Variants in PXMP4 observed in about 807,000 individuals in gnomAD.
PXMP4 encodes the protein peroxisomal membrane protein 4.
In PXMP4, 16 loss-of-function variants were observed where a neutral mutation model predicts 21.6. That is an observed-to-expected ratio of 0.74 (90% CI 0.50 to 1.13). PXMP4 has a LOEUF of 1.13. Among genes scored for constraint, PXMP4 ranks in the 50% most tolerant of loss-of-function variants. The pLI is 0.00. For synonymous variants in PXMP4, 127 were observed against 123.8 expected (o/e 1.03, Z -0.17); for missense variants, 240 against 277.7 (o/e 0.86, Z 0.96).
chr20:33,715,774 C>T (rs1041413294), intron 1 of PXMP4, among the ~76,000 whole-genome samples: 2 of 151,272 alleles, frequency 1.3e-5, no homozygotes, highest in African/African-American at 4.9e-5. Context: ...GTCCACCATC[C>T]TTGCTCAACT....
rs1404351250 is a variant in PXMP4, at chr20:33,710,746, C to T, written c.184G>A (p.Glu62Lys). The change falls in exon 3 of 4, where the codon GAG becomes AAG. Residue 62 changes from glutamate to lysine, a missense_variant. By Grantham distance (56) the Glu-to-Lys change is moderately conservative (BLOSUM62 1). Transcript: ENST00000409299. ...TFLFRNGSLQ[E>K]KLWAILQATY... ...GCCTGCAGTATGGCCCACAGCTTCT[C>T]CTGGAGGCTGCACAAACACAGGTGC... The T allele has an allele frequency of 6.2e-7, 1 of 1,602,500 alleles. No individual in the cohort carries two copies. The highest frequency in any genetic ancestry group is 1.3e-5 in the African/African-American group (1 of 74,742).
chr20:33,706,888 A>C lies in PXMP4; in HGVS notation c.*818T>G, dbSNP rs557157866. ...ATTTGTGTTAAAATATATAGTGAAG[A>C]TTAATCTCACCTTTTTTTTTTCTTT... On this transcript the variant is annotated 3_prime_UTR_variant, in exon 4 of 4. Coordinates refer to ENST00000409299, the MANE Select transcript of PXMP4 (RefSeq NM_007238.5). 1.3e-5 allele frequency: 2 copies of C among 152,222 alleles called. No homozygotes were observed. Among genetic ancestry groups the C allele is most frequent in the South Asian group, 4.1e-4 (2 of 4,832 alleles). 9.4% of individuals were successfully genotyped at this position (152,222 alleles called of 1,614,324 possible).
At position 33,703,870 on chromosome 20, in the gene PXMP4, G is replaced by A. The variant is rs2018230587; in HGVS notation, c.*3836C>T. On this transcript the variant is annotated 3_prime_UTR_variant, in exon 4 of 4. Coordinates refer to ENST00000409299, the MANE Select transcript of PXMP4 (RefSeq NM_007238.5). ...GCTAGAGTCCTCAGGCAGAAAGACA[G>A]AGGGGCGGCCACTGGCAAAGCTGGC... 1.3e-5 allele frequency: 2 copies of A among 152,290 alleles called. No homozygotes were observed. The highest frequency in any genetic ancestry group is 2.9e-5 in the Non-Finnish European group (2 of 68,098). 9.4% of individuals were successfully genotyped at this position (152,290 alleles called of 1,614,324 possible). A position where few individuals can be genotyped will look rare whatever the true frequency, so the allele number is the denominator to read the frequency against.
At chr20:33,717,598 C>A (rs2018396180) in intron 1 of PXMP4, among the ~76,000 whole-genome samples, 1 of 138,082 alleles carries the variant, frequency 7.2e-6, no homozygotes, top group African/African-American at 2.9e-5. Context: ...CGAGATCGCG[C>A]CACTGCACTC....
In PXMP4 at chr20:33,707,918, C is replaced by T. The variant is rs1812246413; in HGVS notation, c.427G>A (p.Val143Ile). The part of the protein sequence containing the change: ...RVLFALSRLA[V>I]EKGYIPEPRW... ...GGTTCAGGGATGTAGCCCTTCTCTA[C>T]AGCCAGGCGGCTCAGGGCAAACAGG... The change falls in exon 4 of 4, where the codon GTA becomes ATA. Residue 143 changes from valine (V) to isoleucine (I), a missense_variant. Physicochemically the swap from Val to Ile is conservative, Grantham distance 29 (BLOSUM62 3). Transcript: ENST00000409299. 8 of 1,614,130 alleles carry T rather than the reference C, an allele frequency of 5.0e-6. No homozygotes were observed. Among genetic ancestry groups the T allele is most frequent in the Non-Finnish European group, 6.8e-6 (8 of 1,180,042 alleles).
At position 33,707,863 on chromosome 20, in the gene PXMP4, G is replaced by A. The variant is rs376487621; in HGVS notation, c.482C>T (p.Ala161Val). The A allele has an allele frequency of 1.2e-4, 194 of 1,613,966 alleles. No homozygotes were observed. The highest frequency in any genetic ancestry group is 1.6e-4 in the Non-Finnish European group (185 of 1,180,030). Residue 161 changes from alanine to valine, a missense_variant, in exon 4 of 4, where the codon GCG becomes GTG. Physicochemically the swap from Ala to Val is moderately conservative, Grantham distance 64. Coordinates refer to ENST00000409299, the MANE Select transcript of PXMP4 (RefSeq NM_007238.5). ...PRWDPFPLLTAVVWGLVLWLF... is the reference protein window; with the variant it reads ...PRWDPFPLLTVVVWGLVLWLF... ...CCACAGCACCAGCCCCCACACCACC[G>A]CAGTGAGCAGCGGGAACGGGTCCCA... is the stretch of plus-strand genomic sequence containing the variant.
chr20:33,703,906 C>T lies in PXMP4; in HGVS notation c.*3800G>A, dbSNP rs2018231037. 1 of 152,214 alleles carries T rather than the reference C, an allele frequency of 6.6e-6. No individual in the cohort carries two copies. Among genetic ancestry groups the T allele is most frequent in the South Asian group, 2.1e-4 (1 of 4,834 alleles). 9.4% of individuals were successfully genotyped at this position (152,214 alleles called of 1,614,324 possible). On this transcript the variant is annotated 3_prime_UTR_variant, in exon 4 of 4. Transcript: ENST00000409299. Reference sequence around the variant, plus strand: ...ACTGGCAAAGCTGGCTAGTGTGCACCAGAGTCGTTATTTAGAGGAGCTATA... The same window carrying T: ...ACTGGCAAAGCTGGCTAGTGTGCACTAGAGTCGTTATTTAGAGGAGCTATA...
chr20:33,711,867 C>T (rs764858738), intron 2 of PXMP4, among the ~76,000 whole-genome samples: 1 of 151,642 alleles, frequency 6.6e-6, no homozygotes, highest in Non-Finnish European at 1.5e-5. Context: ...GTGGCACACG[C>T]GTGTAGTTCC....
intron 1 of PXMP4, among the ~76,000 whole-genome samples, chr20:33,717,037 G>C (rs913429777): frequency 6.6e-6 from 1 of 152,100 alleles, no homozygotes; most frequent in Non-Finnish European, 1.5e-5. Flanking sequence ...AATTAGCTGG[G>C]TGTGGTGGCA....
chr20:33,714,740 TAGAA>T lies in PXMP4; in HGVS notation c.114-8_114-5del, dbSNP rs2018366830. ...GGCCCGGATTTTGGCTCCATAGCTG[TAGAA>T]ACAGAAGAAAACAGTTACTATAATG... On this transcript the variant is annotated splice_region_variant and splice_polypyrimidine_tract_variant and intron_variant, in intron 1 of 3. Transcript: ENST00000409299. The T allele has an allele frequency of 1.9e-6, 3 of 1,613,586 alleles. No homozygotes were observed. The Admixed American group carries it at 5.0e-5, about 27-fold the overall frequency.
intron 1 of PXMP4, among the ~76,000 whole-genome samples, chr20:33,717,369 G>A (rs1218053217): frequency 5.9e-5 from 9 of 151,852 alleles, no homozygotes; most frequent in African/African-American, 1.9e-4. Flanking sequence ...GGCCGGGCGC[G>A]GTGGCTCACG....
intron 1 of PXMP4, among the ~76,000 whole-genome samples, chr20:33,715,356 G>C (rs2018372160): frequency 6.6e-6 from 1 of 151,628 alleles, no homozygotes; most frequent in Non-Finnish European, 1.5e-5. Flanking sequence ...GCCCAGGCTG[G>C]TCTGGAACTC....
intron 2 of PXMP4, among the ~76,000 whole-genome samples, chr20:33,714,116 C>T (rs148226553): frequency 7.2e-5 from 11 of 152,326 alleles, no homozygotes; most frequent in African/African-American, 2.4e-4. Context: ...GCCAAGGGCA[C>T]GCCAGGGTGG....
intron 1 of PXMP4, among the ~76,000 whole-genome samples, chr20:33,716,248 C>T (rs542989332): frequency 3.9e-4 from 59 of 152,304 alleles, no homozygotes; most frequent in African/African-American, 1.3e-3. Context: ...AAGCTCTTCC[C>T]TGCAGCCTTG....
chr20:33,710,518 G>A (rs2018315175), intron 3 of PXMP4, 37 bp downstream of exon 3: 1 of 1,249,758 alleles, frequency 8.0e-7, no homozygotes, highest in Non-Finnish European at 1.1e-6. Flanking sequence ...GCTGAACCAC[G>A]CCCCCTTCAC....
rs1235335074 is a variant in PXMP4, at chr20:33,707,405, GC to G, written c.*300del. 5.9e-6 allele frequency: 2 copies of G among 338,322 alleles called. No homozygotes were observed. The highest frequency in any genetic ancestry group is 4.1e-5 in the African/African-American group (2 of 48,236). 21.0% of individuals were successfully genotyped at this position (338,322 alleles called of 1,614,324 possible). A position where few individuals can be genotyped will look rare whatever the true frequency, so the allele number is the denominator to read the frequency against. ...ATACCCACCGGAAAGAGACCTCAGG[GC>G]CCTCCTCTGAGCTCCTTGACCCCTG... On this transcript the variant is annotated 3_prime_UTR_variant, in exon 4 of 4. Transcript: ENST00000409299.
rs565163265 is a variant in PXMP4, at chr20:33,709,767, C to A, written c.375+788G>T. ...ACCCCTACCTCTAGAATAAACCACGCCCCTCCCCACCCCCACCTCTACACT... is the reference window on the plus strand; with the variant it reads ...ACCCCTACCTCTAGAATAAACCACGACCCTCCCCACCCCCACCTCTACACT... On this transcript the variant is annotated intron_variant, in intron 3 of 3. Transcript: ENST00000409299. 4.1e-4 allele frequency among the ~76,000 whole-genome samples: 56 copies of A among 135,344 alleles called. 1 individual carries two copies. The South Asian group carries it at 9.6e-3, about 23-fold the overall frequency. 88.8% of individuals were successfully genotyped at this position (135,344 alleles called of 152,430 possible). A position where few individuals can be genotyped will look rare whatever the true frequency, so the allele number is the denominator to read the frequency against.
rs2018353084 is a variant in PXMP4, at chr20:33,713,475, C to T, written c.176+1199G>A. 1.3e-5 allele frequency among the ~76,000 whole-genome samples: 2 copies of T among 152,258 alleles called. 1 individual carries two copies. Among genetic ancestry groups the T allele is most frequent in the South Asian group, 4.2e-4 (2 of 4,816 alleles). On this transcript the variant is annotated intron_variant, in intron 2 of 3. Coordinates refer to ENST00000409299, the MANE Select transcript of PXMP4 (RefSeq NM_007238.5). Reference sequence around the variant, plus strand: ...ACTTCTGATGCCCTTTCCCTTTTTCCCTGCTCTAATTTTGCTTTTCCATAA... The same window carrying T: ...ACTTCTGATGCCCTTTCCCTTTTTCTCTGCTCTAATTTTGCTTTTCCATAA...
At chr20:33,719,921 A>C (rs557186395) in intron 1 of PXMP4, among the ~76,000 whole-genome samples, 174 bp downstream of exon 1, 2 of 152,332 alleles carry the variant, frequency 1.3e-5, no homozygotes, top group South Asian at 2.1e-4. Flanking sequence ...AGAGCTGGGA[A>C]GGCGCGCAAG....
Sources: gnomAD v4.1 joint callset for allele counts (sites outside exome capture counted in the v4.1 genomes callset) on GRCh38, gnomAD v4.1.1 for gene constraint, MANE v1.5 for transcripts, NCBI Gene and HGNC (gene_info 2026-07-23, HGNC 2026-07-21) for gene names.